Variants in NRL observed in about 807,000 individuals in gnomAD.
The protein encoded by NRL is neural retina leucine zipper.
Under a neutral mutation model 12.5 loss-of-function variants are expected in NRL, and 16 were observed. That is an observed-to-expected ratio of 1.28 (90% CI 0.87 to 1.95). The LOEUF is 1.95. Among genes scored for constraint, NRL ranks in the 30% most tolerant of loss-of-function variants. The pLI, the probability that NRL is intolerant of heterozygous loss-of-function variation, is 0.00. For synonymous variants in NRL, 142 were observed against 150.9 expected (o/e 0.94, Z 0.43); for missense variants, 314 against 325.8 (o/e 0.96, Z 0.28).
At chr14:24,101,534 T>C (rs1302152939) in intron 1 of NRL, among the ~76,000 whole-genome samples, 1 of 152,196 alleles carries the variant, frequency 6.6e-6, no homozygotes, top group Non-Finnish European at 1.5e-5. Flanking sequence ...AGGTTATCCC[T>C]ACCCATGTGA....
intron 1 of NRL, chr14:24,084,858 G>A: frequency 3.2e-6 from 1 of 311,182 alleles, no homozygotes; most frequent in African/African-American, 2.3e-5. Flanking sequence ...ACTCCCAAGT[G>A]CTCAGTTTCC....
In NRL at chr14:24,100,658, G is replaced by A. The variant is rs2037126866; in HGVS notation, c.-28+14064C>T. ...CTCCAAGCACTATCCATAAAGTTTG[G>A]CCCATTAGGAAAAGAGGAAAGCTGC... On this transcript the variant is annotated intron_variant, in intron 1 of 2. Transcript: ENST00000561028. The A allele has an allele frequency of 1.6e-5, 14 of 859,942 alleles. No individual in the cohort carries two copies. In the South Asian group the frequency reaches 6.6e-4, roughly 41 times the overall value. 53.3% of individuals were successfully genotyped at this position (859,942 alleles called of 1,614,324 possible).
In NRL at chr14:24,091,510, G is replaced by A. The variant is rs2138904161; in HGVS notation, c.-27-8635C>T. ...GATAAATAGGAGTCAGATTATGAAG[G>A]ACATAAGATATCATGTGATGGAAAG... On this transcript the variant is annotated intron_variant, in intron 1 of 2. Transcript: ENST00000561028. Among the ~76,000 whole-genome samples the A allele has an allele frequency of 2.0e-5, 3 of 152,252 alleles. No homozygotes were observed. The South Asian group carries it at 6.2e-4, about 32-fold the overall frequency.
intron 1 of NRL, among the ~76,000 whole-genome samples, chr14:24,096,238 T>C (rs1312819139): frequency 6.2e-5 from 8 of 130,014 alleles, no homozygotes; most frequent in Non-Finnish European, 3.3e-5. Flanking sequence ...CTTTTTTTTT[T>C]TTTTTTTTTT....
intron 1 of NRL, chr14:24,095,115 A>G (rs1056780104): frequency 2.4e-5 from 11 of 455,836 alleles, no homozygotes; most frequent in East Asian, 7.0e-5. Context: ...TTAGTCTCCT[A>G]TTTATTCTCT....
intron 1 of NRL, chr14:24,103,327 A>G: frequency 9.0e-6 from 12 of 1,333,862 alleles, no homozygotes; most frequent in Non-Finnish European, 1.3e-5. Context: ...CCTGAGCCAG[A>G]CCTTCCTTTT....
intron 1 of NRL, chr14:24,114,458 C>T (rs1403712758): frequency 6.3e-6 from 1 of 159,282 alleles, no homozygotes; most frequent in Non-Finnish European, 1.3e-5. Flanking sequence ...AAAGGAGGCC[C>T]TTGGGCACTG....
Position 24,081,354 on chromosome 14 carries a change from T to C in NRL, c.596A>G (p.Asp199Gly). The C allele has an allele frequency of 3.1e-5, 45 of 1,458,946 alleles. No individual in the cohort carries two copies. Among genetic ancestry groups the C allele is most frequent in the Non-Finnish European group, 4.1e-5 (45 of 1,104,596 alleles). 90.4% of individuals were successfully genotyped at this position (1,458,946 alleles called of 1,614,324 possible). Residue 199 changes from aspartate to glycine, a missense_variant, in exon 3 of 3, where the codon GAC becomes GGC. Physicochemically the swap from Asp to Gly is moderately conservative, Grantham distance 94. Coordinates refer to ENST00000561028, the MANE Select transcript of NRL (RefSeq NM_001354768.3). The surrounding 1 kb of genome is among the most constrained non-coding windows in gnomAD (Gnocchi z 4.4). ...GCGGGCCACCTCGGCCCGCAGCGCG[T>C]CCAGCTGGGCGGCCAGGCGGGCGCG... ...AERARLAAQL[D>G]ALRAEVARLA...
rs538685863 is a variant in NRL at position 24,109,623 on chromosome 14, G to A, written c.-28+5099C>T. ...TGAGGCAGGAGAATAGCATGAACCC[G>A]GGAGGCGGAGCTTGCAGTGAGCCGA... On this transcript the variant is annotated intron_variant, in intron 1 of 2. Transcript: ENST00000561028. Among the ~76,000 whole-genome samples, 307 of 151,746 alleles carry A rather than the reference G, an allele frequency of 2.0e-3. 2 individuals are homozygous for A. Among genetic ancestry groups the A allele is most frequent in the African/African-American group, 7.1e-3 (294 of 41,348 alleles).
intron 1 of NRL, among the ~76,000 whole-genome samples, chr14:24,087,457 A>T (rs1403712185): frequency 6.6e-6 from 1 of 152,180 alleles, no homozygotes; most frequent in East Asian, 1.9e-4. Context: ...GGAGTGGGGT[A>T]GAAAATGAAG....
At chr14:24,102,708 T>G in intron 1 of NRL, 2 of 1,558,190 alleles carry the variant, frequency 1.3e-6, no homozygotes, top group Non-Finnish European at 1.8e-6. Flanking sequence ...GTGTTGGGGG[T>G]CGACATGACC....
intron 1 of NRL, chr14:24,103,784 C>G: frequency 1.2e-6 from 2 of 1,614,152 alleles, no homozygotes; most frequent in Non-Finnish European, 1.7e-6. Context: ...AGGAAGGAGC[C>G]TTGGATCTCA....
chr14:24,098,158 G>A, intron 1 of NRL: 2 of 1,542,290 alleles, frequency 1.3e-6, no homozygotes, highest in Non-Finnish European at 8.8e-7. Context: ...AGGGACAAGG[G>A]AAACCTGCTG....
intron 1 of NRL, chr14:24,095,514 G>T: frequency 3.4e-6 from 1 of 292,892 alleles, no homozygotes; most frequent in Non-Finnish European, 7.0e-6. Flanking sequence ...CCTTCCCCAG[G>T]CTAACACCCT....
chr14:24,083,184 T>C lies in NRL; in HGVS notation c.-27-309A>G, dbSNP rs549762697. On this transcript the variant is annotated intron_variant, in intron 1 of 2. Coordinates refer to ENST00000561028, the MANE Select transcript of NRL (RefSeq NM_001354768.3). Reference sequence around the variant, plus strand: ...AGTATGGCAGTGCTCCCAACCCTAGTGCTGAGACATGCCGAGAGGTCTGTC... The same window carrying C: ...AGTATGGCAGTGCTCCCAACCCTAGCGCTGAGACATGCCGAGAGGTCTGTC... Among the ~76,000 whole-genome samples the C allele has an allele frequency of 2.6e-5, 4 of 152,328 alleles. No homozygotes were observed. In the South Asian group the frequency reaches 8.3e-4, roughly 32 times the overall value.
Position 24,094,691 on chromosome 14 carries a change from A to G in NRL, c.-27-11816T>C. ...TCTGACCGCGCGATCTCTATCTGCC[A>G]CTCTCAGAACTTCCTCTCTCTCCTC... On this transcript the variant is annotated intron_variant, in intron 1 of 2. Transcript: ENST00000561028. This position sits in a 1 kb window ranked among gnomAD's most constrained non-coding sequence, Gnocchi z 4.1. The G allele has an allele frequency of 6.6e-7, 1 of 1,519,404 alleles. No individual in the cohort carries two copies. Among genetic ancestry groups the G allele is most frequent in the East Asian group, 2.5e-5 (1 of 39,894 alleles). 94.1% of individuals were successfully genotyped at this position (1,519,404 alleles called of 1,614,324 possible).
intron 1 of NRL, chr14:24,084,718 AAGG>A (rs1566562520): frequency 2.0e-6 from 2 of 985,336 alleles, no homozygotes; most frequent in African/African-American, 1.7e-5. Flanking sequence ...CCAATAAGGT[AAGG>A]AGATCATTTG....
chr14:24,109,421 C>T (rs934220555), intron 1 of NRL, among the ~76,000 whole-genome samples: 5 of 152,086 alleles, frequency 3.3e-5, no homozygotes, highest in Non-Finnish European at 7.4e-5. Context: ...TGCTGCCAGG[C>T]GTGGTGGCTC....
chr14:24,082,095 G>T (rs2036328756), intron 2 of NRL: 7 of 1,221,648 alleles, frequency 5.7e-6, no homozygotes, highest in Non-Finnish European at 7.2e-6. Flanking sequence ...TCTTGAAAAG[G>T]CCAATCTAAA....
Sources: allele counts gnomAD v4.1 joint callset (sites outside exome capture counted in the v4.1 genomes callset), GRCh38; gene constraint gnomAD v4.1.1; non-coding constraint Gnocchi (gnomAD v3.1); transcripts MANE v1.5; gene names NCBI Gene and HGNC (gene_info 2026-07-23, HGNC 2026-07-21).